The following PLXDC2 variants were observed in gnomAD, a reference collection of about 807,000 sequenced individuals.
The protein encoded by PLXDC2 is plexin domain-containing protein 2.
PLXDC2 carries 40 observed loss-of-function variants against 68.9 expected under a neutral mutation model. The ratio of observed to expected loss-of-function variants is 0.58; its 90% confidence interval spans 0.45 to 0.76. The LOEUF (loss-of-function observed/expected upper bound fraction) is 0.76, where lower values mean the gene tolerates loss of function less well. PLXDC2 is among the 30% of genes least tolerant of loss of function. The probability of loss-of-function intolerance (pLI) is 0.00; values close to 1 mark genes in which losing one functional copy is unlikely to be tolerated. For synonymous variants in PLXDC2, 243 were observed against 234.2 expected (o/e 1.04, Z -0.34); for missense variants, 644 against 661.9 (o/e 0.97, Z 0.30).
intron 4 of PLXDC2, among the ~76,000 whole-genome samples, chr10:20,140,066 C>T (rs964906306): frequency 1.7e-4 from 26 of 151,884 alleles, no homozygotes; most frequent in South Asian, 2.1e-4. Context: ...TTTGGGAGGC[C>T]GAGGCAGACA....
At chr10:20,204,044 A>G (rs1272274911) in intron 9 of PLXDC2, among the ~76,000 whole-genome samples, 2 of 152,112 alleles carry the variant, frequency 1.3e-5, no homozygotes, top group African/African-American at 4.8e-5. Flanking sequence ...TATCATTCCC[A>G]GAGCAGTATA....
intron 4 of PLXDC2, among the ~76,000 whole-genome samples, chr10:20,126,004 T>C (rs1434316423): frequency 1.3e-5 from 2 of 148,556 alleles, no homozygotes. Flanking sequence ...CACAACCTAT[T>C]ATACAAACAC....
In PLXDC2 at chr10:20,096,435, G is replaced by A. The variant is rs937298855; in HGVS notation, c.541+28196G>A. Among the ~76,000 whole-genome samples, 4 of 152,074 alleles carry A rather than the reference G, an allele frequency of 2.6e-5. No homozygotes were observed. The South Asian group carries it at 6.2e-4, about 24-fold the overall frequency. On this transcript the variant is annotated intron_variant, in intron 4 of 13. Transcript: ENST00000377252. ...AAAAGAGAAGGGAAGGAAAGATGAG[G>A]GAAGGGAGAGGAGTGTAGGATGGTG...
chr10:19,981,579 G>T (rs774967989), intron 1 of PLXDC2, among the ~76,000 whole-genome samples: 1 of 152,104 alleles, frequency 6.6e-6, no homozygotes, highest in Non-Finnish European at 1.5e-5. Context: ...TTCTTAGTAA[G>T]CTTACTCAGA....
chr10:19,987,318 A>G (rs1235863442), intron 1 of PLXDC2, among the ~76,000 whole-genome samples: 2 of 152,106 alleles, frequency 1.3e-5, no homozygotes, highest in East Asian at 3.9e-4. Flanking sequence ...ATACCTAAAC[A>G]ATGTCGCTTT....
At chr10:20,252,629 T>C (rs892232987) in intron 13 of PLXDC2, among the ~76,000 whole-genome samples, 1 of 152,202 alleles carries the variant, frequency 6.6e-6, no homozygotes, top group African/African-American at 2.4e-5. Context: ...GAAGGCTGGA[T>C]AAGTTGACCA....
At chr10:19,990,869 G>A (rs1414171847) in intron 1 of PLXDC2, among the ~76,000 whole-genome samples, 1 of 152,150 alleles carries the variant, frequency 6.6e-6, no homozygotes, top group African/African-American at 2.4e-5. Context: ...TGGATGAACA[G>A]TAGTTCATAT....
chr10:20,171,020 A>G (rs1428434326), intron 7 of PLXDC2, among the ~76,000 whole-genome samples: 2 of 152,138 alleles, frequency 1.3e-5, no homozygotes, highest in Non-Finnish European at 2.9e-5. Flanking sequence ...ATTTTCAAAC[A>G]TAACCATTAT....
At chr10:20,202,135 TATA>T (rs1834928842) in intron 9 of PLXDC2, among the ~76,000 whole-genome samples, 1 of 152,102 alleles carries the variant, frequency 6.6e-6, no homozygotes, top group Non-Finnish European at 1.5e-5. Flanking sequence ...TTAAATGAAA[TATA>T]ATGACATAGA....
chr10:19,848,818 G>A (rs574998572), intron 1 of PLXDC2, among the ~76,000 whole-genome samples: 45 of 151,920 alleles, frequency 3.0e-4, no homozygotes, highest in African/African-American at 6.3e-4. Flanking sequence ...GGTTTTGGAA[G>A]GGGAGGATGG....
intron 9 of PLXDC2, among the ~76,000 whole-genome samples, chr10:20,202,506 T>G (rs912581599): frequency 6.6e-6 from 1 of 152,176 alleles, no homozygotes; most frequent in Non-Finnish European, 1.5e-5. Flanking sequence ...ACTTGTGAAA[T>G]TCTTGAAGCC....
intron 4 of PLXDC2, 25 bp downstream of exon 4, chr10:20,068,264 C>G: frequency 6.4e-7 from 1 of 1,550,478 alleles, no homozygotes; most frequent in South Asian, 1.1e-5. Flanking sequence ...ACCCATTCAC[C>G]TTAAGTAATC....
intron 2 of PLXDC2, among the ~76,000 whole-genome samples, chr10:20,009,899 T>G (rs1171698820): frequency 6.6e-6 from 1 of 151,996 alleles, no homozygotes; most frequent in East Asian, 1.9e-4. Context: ...CTGATTGCTA[T>G]GGGAACTGAA....
At chr10:19,828,855 C>A (rs577237992) in intron 1 of PLXDC2, among the ~76,000 whole-genome samples, 1 of 152,136 alleles carries the variant, frequency 6.6e-6, no homozygotes, top group Non-Finnish European at 1.5e-5. Flanking sequence ...ACAGGCCTGG[C>A]CTTTCTAGCC....
intron 1 of PLXDC2, among the ~76,000 whole-genome samples, chr10:19,976,481 G>A (rs1834458526): frequency 6.6e-6 from 1 of 152,148 alleles, no homozygotes; most frequent in African/African-American, 2.4e-5. Context: ...CCAAAGTGCT[G>A]GGATTACAGG....
At chr10:20,166,600 A>C (rs1589662043) in intron 7 of PLXDC2, among the ~76,000 whole-genome samples, 1 of 152,090 alleles carries the variant, frequency 6.6e-6, no homozygotes, top group East Asian at 1.9e-4. Flanking sequence ...AAGAAACACT[A>C]GCTTTAATTT....
intron 4 of PLXDC2, among the ~76,000 whole-genome samples, chr10:20,086,736 C>T (rs937990877): frequency 1.3e-5 from 2 of 152,168 alleles, no homozygotes; most frequent in Non-Finnish European, 2.9e-5. Context: ...CTGTCACAAT[C>T]ACCTCATTAA....
At position 20,154,565 on chromosome 10, in the gene PLXDC2, A is replaced by C. The variant is rs12257815; in HGVS notation, c.783+6663A>C. On this transcript the variant is annotated intron_variant, in intron 6 of 13. Coordinates refer to ENST00000377252, the MANE Select transcript of PLXDC2 (RefSeq NM_032812.9). ...GGCGACAGAAGGAGACTCTGTCTCA[A>C]AAAAAAAAAAAAATGTATTTAAAAA... is the stretch of plus-strand genomic sequence containing the variant. 8.9e-3 allele frequency among the ~76,000 whole-genome samples: 1,249 copies of C among 140,590 alleles called. 14 individuals carry two copies. The highest frequency in any genetic ancestry group is 0.03 in the African/African-American group (1,169 of 39,064). 92.2% of individuals were successfully genotyped at this position (140,590 alleles called of 152,430 possible).
intron 1 of PLXDC2, among the ~76,000 whole-genome samples, chr10:19,950,568 A>T (rs1305778553): frequency 1.3e-5 from 2 of 152,050 alleles, no homozygotes; most frequent in African/African-American, 4.8e-5. Context: ...AGTATTTTCA[A>T]ATACTGCCCA....
Sources: allele counts gnomAD v4.1 joint callset (sites outside exome capture counted in the v4.1 genomes callset), GRCh38; gene constraint gnomAD v4.1.1; transcripts MANE v1.5; gene names NCBI Gene and HGNC (gene_info 2026-07-23, HGNC 2026-07-21).